Variants in ZNF536 observed in about 807,000 individuals in gnomAD.
ZNF536 encodes zinc finger protein 536.
ZNF536 carries 13 observed loss-of-function variants against 84.5 expected under a neutral mutation model. The observed-to-expected ratio is 0.15, with a 90% CI of 0.10 to 0.24. ZNF536 has a LOEUF of 0.24. Ranked by LOEUF, ZNF536 falls within the 10% of genes least tolerant of loss-of-function variation. The pLI, the probability that ZNF536 is intolerant of heterozygous loss-of-function variation, is 1.00. For synonymous variants in ZNF536, 811 were observed against 742.5 expected, an observed-to-expected ratio of 1.09 and a Z score of -1.50; for missense variants, 1,536 against 1,747.5, an observed-to-expected ratio of 0.88 and a Z score of 2.16.
rs1303900706 is a variant in ZNF536, at chr19:30,242,727, G to A, written c.-190+14054G>A. Among the ~76,000 whole-genome samples the A allele has an allele frequency of 2.6e-5, 4 of 152,172 alleles. No individual in the cohort carries two copies. The East Asian group carries it at 7.7e-4, about 29-fold the overall frequency. On this transcript the variant is annotated intron_variant, in intron 1 of 5. Coordinates refer to the ZNF536 transcript ENST00000585628. ...GGAAAACCAGATCCTTGTTGGTATC[G>A]CCTGTAGGATCACATGGGATGTTTT...
chr19:30,697,775 T>C (rs2051724876), intron 1 of ZNF536, among the ~76,000 whole-genome samples: 1 of 152,182 alleles, frequency 6.6e-6, no homozygotes, highest in South Asian at 2.1e-4. Context: ...CCTTCCCTGA[T>C]CCTTGGGTTG....
chr19:30,602,299 G>A (rs912866605), intron 1 of ZNF536, among the ~76,000 whole-genome samples: 2 of 152,174 alleles, frequency 1.3e-5, no homozygotes, highest in African/African-American at 4.8e-5. Flanking sequence ...TTTCAACAAG[G>A]CTTTATGGAG....
At chr19:30,471,836 T>G (rs1447181422) in intron 2 of ZNF536, among the ~76,000 whole-genome samples, 2 of 152,270 alleles carry the variant, frequency 1.3e-5, no homozygotes, top group Non-Finnish European at 2.9e-5. Context: ...CTGTAATTTT[T>G]TTTTAAATGC....
intron 1 of ZNF536, among the ~76,000 whole-genome samples, chr19:30,237,734 C>G (rs776249633): frequency 5.9e-5 from 9 of 151,628 alleles, no homozygotes; most frequent in African/African-American, 2.2e-4. Flanking sequence ...AAGAGTTACA[C>G]AGTCCATGTG....
chr19:30,689,719 G>T (rs1411465136), intron 1 of ZNF536, among the ~76,000 whole-genome samples: 1 of 152,190 alleles, frequency 6.6e-6, no homozygotes, highest in African/African-American at 2.4e-5. Context: ...GCGTTCCCGT[G>T]TGTCCCGTGG....
chr19:30,635,647 C>T (rs1192419673), intron 1 of ZNF536, among the ~76,000 whole-genome samples: 1 of 152,148 alleles, frequency 6.6e-6, no homozygotes, highest in Non-Finnish European at 1.5e-5. Context: ...TGTCCTTGGT[C>T]TTGAAAGAGA....
chr19:30,497,600 G>A (rs1039288226), intron 2 of ZNF536, among the ~76,000 whole-genome samples: 5 of 152,184 alleles, frequency 3.3e-5, no homozygotes, highest in African/African-American at 1.2e-4. Context: ...CACATGTATG[G>A]AACTAAACCC....
chr19:30,649,101 G>A (rs759461988), intron 1 of ZNF536, among the ~76,000 whole-genome samples: 48 of 152,148 alleles, frequency 3.2e-4, no homozygotes, highest in South Asian at 8.3e-4. Flanking sequence ...CTGTATGCCC[G>A]ACAGCTGCCC....
At chr19:30,673,513 G>A (rs1050790116) in intron 1 of ZNF536, among the ~76,000 whole-genome samples, 4 of 152,250 alleles carry the variant, frequency 2.6e-5, no homozygotes, top group African/African-American at 9.6e-5. Context: ...TGCCTGCCAC[G>A]GGACTGGCAC....
chr19:30,446,391 C>T (rs1005789029), intron 2 of ZNF536, among the ~76,000 whole-genome samples: 5 of 151,924 alleles, frequency 3.3e-5, no homozygotes, highest in Admixed American at 2.0e-4. Context: ...CACCGCCTGA[C>T]GCTGTCGGCC....
chr19:30,464,544 G>A (rs1354762305), intron 2 of ZNF536, among the ~76,000 whole-genome samples: 2 of 152,010 alleles, frequency 1.3e-5, no homozygotes, highest in Non-Finnish European at 2.9e-5. Flanking sequence ...TGAAAATCAT[G>A]GGATCATGAT....
intron 1 of ZNF536, among the ~76,000 whole-genome samples, chr19:30,576,653 C>G (rs1343021655): frequency 6.6e-6 from 1 of 152,218 alleles, no homozygotes; most frequent in Non-Finnish European, 1.5e-5. Flanking sequence ...CATCCATACC[C>G]CCTGCCTCAC....
At chr19:30,662,202 C>T (rs1047784711) in intron 1 of ZNF536, among the ~76,000 whole-genome samples, 23 of 152,092 alleles carry the variant, frequency 1.5e-4, no homozygotes, top group Non-Finnish European at 1.0e-4. Flanking sequence ...CCCCAGAAGA[C>T]GGTCATAATC....
At chr19:30,686,714 T>C (rs1249647374) in intron 1 of ZNF536, among the ~76,000 whole-genome samples, 1 of 152,182 alleles carries the variant, frequency 6.6e-6, no homozygotes, top group Non-Finnish European at 1.5e-5. Context: ...AGCTCCTCTG[T>C]CATCTCTCCT....
chr19:30,563,010 C>T (rs1296978592), downstream of ZNF536, among the ~76,000 whole-genome samples: 1 of 152,148 alleles, frequency 6.6e-6, no homozygotes, highest in Non-Finnish European at 1.5e-5. Context: ...ATGAGGCACT[C>T]GTGTATCCCT....
chr19:30,370,044 C>A (rs1045820688), upstream of ZNF536, among the ~76,000 whole-genome samples: 2 of 152,138 alleles, frequency 1.3e-5, no homozygotes, highest in African/African-American at 4.8e-5. Context: ...TGGTTATACG[C>A]AGTTTGGGAT....
In ZNF536 at chr19:30,530,801, G is replaced by A. The variant is rs146221191; in HGVS notation, c.2171-4046G>A. Among the ~76,000 whole-genome samples, 85 of 152,330 alleles carry A rather than the reference G, an allele frequency of 5.6e-4. 1 individual carries two copies. In the South Asian group the frequency reaches 0.016, roughly 29 times the overall value. On this transcript the variant is annotated intron_variant, in intron 2 of 4. Coordinates refer to ENST00000355537, the MANE Select transcript of ZNF536 (RefSeq NM_014717.3). ...TCCTGCAGTTTGCAGAGGGGCAGAC[G>A]CCAGTGCTTTTATACTCGGGGTAGA...
chr19:30,643,877 T>C (rs1047064510), intron 1 of ZNF536, among the ~76,000 whole-genome samples: 1 of 152,194 alleles, frequency 6.6e-6, no homozygotes, highest in African/African-American at 2.4e-5. Context: ...AAAAGATTTC[T>C]TTGCTTTAGA....
At chr19:30,385,244 C>T (rs1360615757) in intron 1 of ZNF536, among the ~76,000 whole-genome samples, 1 of 151,900 alleles carries the variant, frequency 6.6e-6, no homozygotes, top group Non-Finnish European at 1.5e-5. Flanking sequence ...AAGGAAGAGC[C>T]GGTGGTGGAG....
Sources: gnomAD v4.1 joint callset for allele counts (sites outside exome capture counted in the v4.1 genomes callset) on GRCh38, gnomAD v4.1.1 for gene constraint, MANE v1.5 for transcripts, NCBI Gene and HGNC (gene_info 2026-07-23, HGNC 2026-07-21) for gene names.